SDK1: variants seen among roughly 807,000 people sequenced by gnomAD.
SDK1 encodes the protein protein sidekick-1.
Under a neutral mutation model 245.5 loss-of-function variants are expected in SDK1, and 157 were observed. The observed-to-expected ratio is 0.64, with a 90% CI of 0.56 to 0.73. The LOEUF (loss-of-function observed/expected upper bound fraction) is 0.73. SDK1 is among the 30% of genes least tolerant of loss of function. SDK1 has a pLI of 0.00. For missense variants in SDK1, 3,583 were observed against 3,002.3 expected (o/e 1.19, Z -4.52); for synonymous variants, 1,647 against 1,278.5 (o/e 1.29, Z -6.15).
At chr7:4,088,183 A>G (rs1781548151) in intron 22 of SDK1, among the ~76,000 whole-genome samples, 1 of 152,234 alleles carries the variant, frequency 6.6e-6, no homozygotes, top group Admixed American at 6.5e-5. Context: ...TTGGTGTTAC[A>G]GCCAGAAACT....
rs150930878 is a variant in SDK1, at chr7:3,792,229, G to A, written c.714-29221G>A. Among the ~76,000 whole-genome samples the A allele has an allele frequency of 5.9e-3, 896 of 152,022 alleles. 14 individuals are homozygous for A. The highest frequency in any genetic ancestry group is 0.02 in the African/African-American group (828 of 41,468). ...GACCATTCCAGCCCCCCACTTCCAT[G>A]CCCTAAAATGTCCAGATCCTGACCT... On this transcript the variant is annotated intron_variant, in intron 4 of 44. Coordinates refer to ENST00000404826, the MANE Select transcript of SDK1 (RefSeq NM_152744.4).
chr7:3,655,567 G>T (rs1267823071), intron 4 of SDK1, among the ~76,000 whole-genome samples: 1 of 141,492 alleles, frequency 7.1e-6, no homozygotes, highest in African/African-American at 2.6e-5. Flanking sequence ...TTATATATCT[G>T]TCTATCCCTC....
intron 1 of SDK1, among the ~76,000 whole-genome samples, chr7:3,519,877 T>C (rs991987037): frequency 1.3e-5 from 2 of 152,144 alleles, no homozygotes; most frequent in African/African-American, 4.8e-5. Flanking sequence ...AGTATACATA[T>C]ATTGAATGCA....
chr7:3,983,651 G>A (rs1259203506), intron 13 of SDK1, among the ~76,000 whole-genome samples: 1 of 152,156 alleles, frequency 6.6e-6, no homozygotes, highest in Non-Finnish European at 1.5e-5. Context: ...GGAACTGAAC[G>A]TGCAGTATCT....
intron 1 of SDK1, among the ~76,000 whole-genome samples, chr7:3,315,875 C>T (rs1363979660): frequency 6.6e-6 from 1 of 151,880 alleles, no homozygotes; most frequent in Non-Finnish European, 1.5e-5. Flanking sequence ...TGTTTTGGGC[C>T]TTATTTTGTT....
intron 40 of SDK1, among the ~76,000 whole-genome samples, chr7:4,224,977 T>C (rs1186771729): frequency 1.1e-5 from 1 of 94,636 alleles, no homozygotes; most frequent in East Asian, 3.3e-4. Flanking sequence ...AGTGAGACTC[T>C]GTCTCAAAAA....
Position 4,114,084 on chromosome 7 carries a change from CA to C in SDK1, c.3634del (p.Arg1212GlyfsTer84). On this transcript the variant is annotated frameshift_variant, in exon 25 of 45. Coordinates refer to ENST00000404826, the MANE Select transcript of SDK1 (RefSeq NM_152744.4). LOFTEE classifies it high-confidence loss of function. Reference sequence around the variant, plus strand: ...ACGGGAACCCCGAGTCCGTGGGCTACAGGATTAAGTACTGGCGCTCAGACCT... The same window carrying C: ...ACGGGAACCCCGAGTCCGTGGGCTACGGATTAAGTACTGGCGCTCAGACCT... ...YNGNPESVGYRIKYWRSDLQS... is the reference protein window; with the variant it reads ...YNGNPESVGYXIKYWRSDLQS... The C allele has an allele frequency of 6.2e-7, 1 of 1,614,212 alleles. No homozygotes were observed. Among genetic ancestry groups the C allele is most frequent in the Non-Finnish European group, 8.5e-7 (1 of 1,180,050 alleles).
At chr7:3,670,526 T>G (rs560616039) in intron 4 of SDK1, among the ~76,000 whole-genome samples, 1 of 152,232 alleles carries the variant, frequency 6.6e-6, no homozygotes, top group Admixed American at 6.5e-5. Context: ...AATGCAGTTA[T>G]TAGTCTCAGC....
chr7:3,796,331 C>G lies in SDK1; in HGVS notation c.714-25119C>G, dbSNP rs540377858. ...GGCTTAAATAGAAATGGAGAGGTTT[C>G]TTTGGCTGTGAAAAAGAATTTCTTA... is the stretch of plus-strand genomic sequence containing the variant. On this transcript the variant is annotated intron_variant, in intron 4 of 44. Transcript: ENST00000404826. Among the ~76,000 whole-genome samples, 6 of 152,348 alleles carry G rather than the reference C, an allele frequency of 3.9e-5. No homozygotes were observed. In the South Asian group the frequency reaches 1.2e-3, roughly 32 times the overall value.
chr7:3,692,361 C>CTG (rs1784460228), intron 4 of SDK1, among the ~76,000 whole-genome samples: 2 of 151,914 alleles, frequency 1.3e-5, no homozygotes, highest in East Asian at 1.9e-4. Flanking sequence ...ATGTGTGTGT[C>CTG]TGTGTGTGTG....
chr7:3,799,162 C>A (rs1779041415), intron 4 of SDK1, among the ~76,000 whole-genome samples: 1 of 152,192 alleles, frequency 6.6e-6, no homozygotes, highest in Admixed American at 6.5e-5. Flanking sequence ...CTTTTTATTA[C>A]TTTTTTGTTT....
chr7:3,998,369 T>C (rs1024241523), intron 14 of SDK1, among the ~76,000 whole-genome samples: 3 of 152,276 alleles, frequency 2.0e-5, no homozygotes, highest in African/African-American at 7.2e-5. Context: ...CTGACTTGAA[T>C]GAGCAGTTTT....
intron 1 of SDK1, among the ~76,000 whole-genome samples, chr7:3,503,679 TAAAAA>T (rs1043267348): frequency 6.6e-6 from 1 of 150,770 alleles, no homozygotes; most frequent in Non-Finnish European, 1.5e-5. Context: ...CTTCATATCT[TAAAAA>T]AACAAAACAA....
chr7:3,554,221 T>C (rs892965093), intron 1 of SDK1, among the ~76,000 whole-genome samples: 1 of 152,132 alleles, frequency 6.6e-6, no homozygotes, highest in Non-Finnish European at 1.5e-5. Flanking sequence ...TAGAGCACTT[T>C]TAAACAACCA....
At chr7:4,098,523 T>C (rs1782312843) in intron 22 of SDK1, among the ~76,000 whole-genome samples, 1 of 152,148 alleles carries the variant, frequency 6.6e-6, no homozygotes, top group South Asian at 2.1e-4. Flanking sequence ...ATTAAGCACC[T>C]ACTGTTTTAT....
At chr7:3,623,338 C>A (rs1782003783) in intron 2 of SDK1, among the ~76,000 whole-genome samples, 1 of 149,452 alleles carries the variant, frequency 6.7e-6, no homozygotes, top group Admixed American at 6.8e-5. Context: ...ACCTTCGTCT[C>A]CTGGTCTCAA....
At chr7:4,104,303 C>T (rs1470349469) in intron 22 of SDK1, among the ~76,000 whole-genome samples, 1 of 152,236 alleles carries the variant, frequency 6.6e-6, no homozygotes, top group African/African-American at 2.4e-5. Context: ...TCAAGCAAAC[C>T]TCCCGCTTTG....
At chr7:3,567,264 C>T (rs6947906) in intron 1 of SDK1, among the ~76,000 whole-genome samples, 95,118 of 151,520 alleles carry the variant, frequency 0.63, 30,598 homozygotes, top group African/African-American at 0.76. Context: ...ATTTATCCTC[C>T]ATTCCTCAGC....
chr7:3,522,923 C>T (rs1288753013), intron 1 of SDK1, among the ~76,000 whole-genome samples: 2 of 31,470 alleles, frequency 6.4e-5, no homozygotes, highest in Non-Finnish European at 1.2e-4. Flanking sequence ...GCATTTTAGA[C>T]ATGATTTCAG....
Sources: gnomAD v4.1 joint callset for allele counts (sites outside exome capture counted in the v4.1 genomes callset) on GRCh38, gnomAD v4.1.1 for gene constraint, MANE v1.5 for transcripts, NCBI Gene and HGNC (gene_info 2026-07-23, HGNC 2026-07-21) for gene names.